The following HINFP variants were observed in gnomAD, a reference collection of about 807,000 sequenced individuals.
The protein encoded by HINFP is MBD2 (methyl-CpG-binding protein)-interacting zinc finger protein.
HINFP carries 20 observed loss-of-function variants against 50.1 expected under a neutral mutation model. That is an observed-to-expected ratio of 0.40 (90% CI 0.28 to 0.58). The LOEUF (loss-of-function observed/expected upper bound fraction) is 0.58. Ranked by LOEUF, HINFP falls within the 20% of genes least tolerant of loss-of-function variation. HINFP has a pLI of 0.45. For synonymous variants in HINFP, 247 were observed against 243.7 expected (o/e 1.01, Z -0.13); for missense variants, 505 against 664.1 (o/e 0.76, Z 2.63).
At position 119,134,105 on chromosome 11, in the gene HINFP, C is replaced by T; in HGVS notation, c.1161C>T (p.Gly387=). Residue 387 remains glycine (G), a synonymous_variant, in exon 10 of 10, where the codon GGC becomes GGT. Transcript: ENST00000350777. The surrounding 1 kb of genome is among the most constrained non-coding windows in gnomAD (Gnocchi z 4.3). ...PRFRYKEHED[G]YMRLQLVRYE... The stretch of plus-strand genomic sequence containing the variant: ...CCAGGTACAAGGAACATGAAGATGG[C>T]TATATGCGGCTGCAGCTGGTTCGCT... 1.2e-6 allele frequency: 2 copies of T among 1,614,150 alleles called. No individual in the cohort carries two copies. The highest frequency in any genetic ancestry group is 1.6e-4 in the Middle Eastern group (1 of 6,062).
In HINFP at chr11:119,132,703, T is replaced by C; in HGVS notation, c.797T>C (p.Leu266Pro). The C allele has an allele frequency of 1.2e-6, 2 of 1,614,066 alleles. No individual in the cohort carries two copies. Among genetic ancestry groups the C allele is most frequent in the Non-Finnish European group, 1.7e-6 (2 of 1,180,044 alleles). ...CCTCTGTGTGACATGACCTGCCCGC[T>C]GCCTTCCTCCCTCCGCAACCACATG... ...KCPLCDMTCP[L>P]PSSLRNHMRF... Residue 266 changes from leucine to proline, a missense_variant, in exon 7 of 10, where the codon CTG becomes CCG. Coordinates refer to ENST00000350777, the MANE Select transcript of HINFP (RefSeq NM_198971.3).
intron 2 of HINFP, chr11:119,130,311 A>G (rs532969676): frequency 4.5e-6 from 1 of 222,432 alleles, no homozygotes; most frequent in East Asian, 1.3e-4. Context: ...CTATTTACAG[A>G]TACTCATCCA....
Position 119,130,944 on chromosome 11 carries a change from A to G in HINFP, c.401A>G (p.Glu134Gly), listed in dbSNP as rs1184581304. 1 of 1,614,054 alleles carries G rather than the reference A, an allele frequency of 6.2e-7. No homozygotes were observed. Among genetic ancestry groups the G allele is most frequent in the East Asian group, 2.2e-5 (1 of 44,888 alleles). ...DIPDHFLCLW[E>G]HCENSFDNPE... ...CCTGACCACTTCCTGTGTCTGTGGG[A>G]GCACTGTGAGGTCAGCAGGCAGTGC... The change falls in exon 3 of 10, where the codon GAG (glutamate) becomes GGG (glycine). Residue 134 changes from glutamate to glycine, a missense_variant. Glu to Gly is a moderately conservative substitution (Grantham distance 98, BLOSUM62 -2). Coordinates refer to ENST00000350777, the MANE Select transcript of HINFP (RefSeq NM_198971.3).
Position 119,131,695 on chromosome 11 carries a change from C to T in HINFP, c.523+49C>T. 6.3e-7 allele frequency: 1 copy of T among 1,593,052 alleles called. No homozygotes were observed. ...GCTTCTGGAGGAAACGCTGGGGTTC[C>T]TGAAGAGCTGGGACAGAAAGGGATA... On this transcript the variant is annotated intron_variant, in intron 4 of 9. Transcript: ENST00000350777. This position sits in a 1 kb window ranked among gnomAD's most constrained non-coding sequence, Gnocchi z 4.2.
At position 119,133,633 on chromosome 11, in the gene HINFP, C is replaced by A. The variant is rs1244589592; in HGVS notation, c.1139+414C>A. 1.9e-5 allele frequency: 4 copies of A among 210,214 alleles called. No homozygotes were observed. In the East Asian group the frequency reaches 4.7e-4, roughly 25 times the overall value. The allele number at this position is 210,214 out of a possible 1,614,324, so 13.0% of individuals were successfully genotyped here. A position where few individuals can be genotyped will look rare whatever the true frequency, so the allele number is the denominator to read the frequency against. On this transcript the variant is annotated intron_variant, in intron 9 of 9. Transcript: ENST00000350777. The stretch of plus-strand genomic sequence containing the variant: ...TAATTTGATGGTGGTTTTATGTCTG[C>A]CATTTCCATTTAGATTCAAAGAATC...
rs1947742915 is a variant in HINFP, at chr11:119,131,347, T to A, written c.412-188T>A. On this transcript the variant is annotated intron_variant, in intron 3 of 9. Coordinates refer to ENST00000350777, the MANE Select transcript of HINFP (RefSeq NM_198971.3). The surrounding 1 kb of genome is among the most constrained non-coding windows in gnomAD (Gnocchi z 4.2). ...CAAGTGATTCTCCTGCCTCAGCCTCTCAAAGTGCTGGGATTACAGGGTTTA... is the reference window on the plus strand; with the variant it reads ...CAAGTGATTCTCCTGCCTCAGCCTCACAAAGTGCTGGGATTACAGGGTTTA... 1 of 609,444 alleles carries A rather than the reference T, an allele frequency of 1.6e-6. No homozygotes were observed. The allele number at this position is 609,444 out of a possible 1,614,324, so 37.8% of individuals were successfully genotyped here.
In HINFP at chr11:119,135,223, T is replaced by C. The variant is rs905083917; in HGVS notation, c.*725T>C. The C allele has an allele frequency of 7.2e-5, 11 of 152,278 alleles. No individual in the cohort carries two copies. Among genetic ancestry groups the C allele is most frequent in the Non-Finnish European group, 1.5e-4 (10 of 68,108 alleles). The allele number at this position is 152,278 out of a possible 1,614,324, so 9.4% of individuals were successfully genotyped here. A position where few individuals can be genotyped will look rare whatever the true frequency, so the allele number is the denominator to read the frequency against. On this transcript the variant is annotated 3_prime_UTR_variant, in exon 10 of 10. Coordinates refer to ENST00000350777, the MANE Select transcript of HINFP (RefSeq NM_198971.3). ...TTCTCCTCCTCCCCTTGGTGAAACT[T>C]CGCTATTCTCAGAGCGTATGCCATT... is the stretch of plus-strand genomic sequence containing the variant.
Position 119,132,942 on chromosome 11 carries a change from C to T in HINFP, c.954C>T (p.Asn318=). The T allele has an allele frequency of 6.2e-7, 1 of 1,614,250 alleles. No homozygotes were observed. Among genetic ancestry groups the T allele is most frequent in the Non-Finnish European group, 8.5e-7 (1 of 1,180,036 alleles). Reference sequence around the variant, plus strand: ...CAGCCTACAGGTGTGATTTTGAGAACTGCACCTTCAGTGCCCGATCCCTCT... The same window carrying T: ...CAGCCTACAGGTGTGATTTTGAGAATTGCACCTTCAGTGCCCGATCCCTCT... The part of the protein sequence containing the change: ...EEPAYRCDFE[N]CTFSARSLCS... The change falls in exon 8 of 10, where the codon AAC becomes AAT. Residue 318 remains asparagine, a synonymous_variant. Transcript: ENST00000350777.
Position 119,134,133 on chromosome 11 carries a change from G to A in HINFP, c.1189G>A (p.Glu397Lys), listed in dbSNP as rs756301326. Residue 397 changes from glutamate (E) to lysine (K), a missense_variant, in exon 10 of 10, where the codon GAG (glutamate) becomes AAG (lysine). Coordinates refer to ENST00000350777, the MANE Select transcript of HINFP (RefSeq NM_198971.3). This position sits in a 1 kb window ranked among gnomAD's most constrained non-coding sequence, Gnocchi z 4.3. ...GYMRLQLVRYESVELTQQLLR... is the reference protein window; with the variant it reads ...GYMRLQLVRYKSVELTQQLLR... ...TATGCGGCTGCAGCTGGTTCGCTAC[G>A]AGAGTGTAGAGCTGACACAGCAACT... The A allele has an allele frequency of 9.3e-6, 15 of 1,614,192 alleles. No individual in the cohort carries two copies. Among genetic ancestry groups the A allele is most frequent in the South Asian group, 3.3e-5 (3 of 91,088 alleles).
chr11:119,130,642 C>A, intron 2 of HINFP, 83 bp from the exon 3 acceptor site: 2 of 1,242,380 alleles, frequency 1.6e-6, no homozygotes, highest in Non-Finnish European at 2.3e-6. Flanking sequence ...CCAGCCTCCT[C>A]ACTCTCTGTT....
intron 1 of HINFP, among the ~76,000 whole-genome samples, chr11:119,122,238 G>A (rs775892932): frequency 5.3e-5 from 8 of 152,192 alleles, no homozygotes; most frequent in Non-Finnish European, 1.0e-4. Flanking sequence ...AAAGAAGACA[G>A]GAGGACAGTC....
At position 119,132,789 on chromosome 11, in the gene HINFP, G is replaced by T; in HGVS notation, c.875+8G>T. 1.2e-6 allele frequency: 2 copies of T among 1,613,536 alleles called. No homozygotes were observed. The highest frequency in any genetic ancestry group is 1.3e-5 in the African/African-American group (1 of 75,054). The stretch of plus-strand genomic sequence containing the variant: ...TGACTGTTGTGACTACAGGTAAGGG[G>T]GACCAGGGACCAGAAAACAGCTCAT... On this transcript the variant is annotated splice_region_variant and intron_variant, in intron 7 of 9. Transcript: ENST00000350777.
intron 2 of HINFP, among the ~76,000 whole-genome samples, chr11:119,128,472 AT>A (rs1163681396): frequency 6.7e-6 from 1 of 148,356 alleles, no homozygotes; most frequent in Non-Finnish European, 1.5e-5. Context: ...CGCCCGTCTA[AT>A]TTTTTTTTGT....
chr11:119,126,780 G>A, intron 1 of HINFP, 155 bp from the exon 2 acceptor site: 1 of 594,720 alleles, frequency 1.7e-6, no homozygotes, highest in East Asian at 2.9e-5. Flanking sequence ...AGGGATTTAA[G>A]GAATTACTCC....
intron 2 of HINFP, among the ~76,000 whole-genome samples, chr11:119,128,762 G>A (rs567597003): frequency 5.4e-5 from 8 of 148,320 alleles, no homozygotes; most frequent in African/African-American, 2.0e-4. Context: ...GTGGTGGTGC[G>A]ATCTCAGCTC....
chr11:119,129,490 CTTTT>C (rs59395600), intron 2 of HINFP, among the ~76,000 whole-genome samples: 1 of 124,180 alleles, frequency 8.1e-6, no homozygotes. Context: ...TTTTTCTTTT[CTTTT>C]TTTTTTTTTT....
intron 5 of HINFP, 180 bp from the exon 6 acceptor site, chr11:119,132,316 A>T: frequency 1.6e-6 from 1 of 643,644 alleles, no homozygotes. Flanking sequence ...TGAAGCTGGA[A>T]TTCTAACTCA....
In HINFP at chr11:119,131,999, A is replaced by G. The variant is rs746773527; in HGVS notation, c.676+17A>G. On this transcript the variant is annotated intron_variant, in intron 5 of 9. Transcript: ENST00000350777. The surrounding 1 kb of genome is among the most constrained non-coding windows in gnomAD (Gnocchi z 4.2). ...CATTGGATCGTAAGTAGTCAGAGGA[A>G]GTGGGGTGGATGCAGGCTGTCCTGC... 1.9e-6 allele frequency: 3 copies of G among 1,613,526 alleles called. No homozygotes were observed. The Admixed American group carries it at 5.0e-5, about 27-fold the overall frequency.
At chr11:119,133,953 G>A (rs1325496382) in intron 9 of HINFP, 131 bp from the exon 10 acceptor site, 1 of 1,230,324 alleles carries the variant, frequency 8.1e-7, no homozygotes, top group Non-Finnish European at 1.2e-6. Flanking sequence ...GACCTTTTTT[G>A]TCTTCAACTC....
Sources: allele counts gnomAD v4.1 joint callset (sites outside exome capture counted in the v4.1 genomes callset), GRCh38; gene constraint gnomAD v4.1.1; non-coding constraint Gnocchi (gnomAD v3.1); transcripts MANE v1.5; gene names NCBI Gene and HGNC (gene_info 2026-07-23, HGNC 2026-07-21).